The following EIF3A variants were observed in gnomAD, a reference collection of about 807,000 sequenced individuals.
The protein encoded by EIF3A is eukaryotic translation initiation factor 3 subunit A.
Under a neutral mutation model 186.6 loss-of-function variants are expected in EIF3A, and 21 were observed. That is an observed-to-expected ratio of 0.11 (90% CI 0.08 to 0.16). EIF3A has a LOEUF of 0.16. Among genes scored for constraint, EIF3A ranks in the 10% least tolerant of loss-of-function variants. EIF3A has a pLI of 1.00. For missense variants in EIF3A, 1,306 were observed against 1,796.3 expected (o/e 0.73, Z 4.93); for synonymous variants, 563 against 584.3 (o/e 0.96, Z 0.52).
intron 20 of EIF3A, 22 bp downstream of exon 20, chr10:119,038,216 T>C: frequency 6.2e-7 from 1 of 1,604,946 alleles, no homozygotes; most frequent in Non-Finnish European, 8.5e-7. Context: ...CCTCTACAAA[T>C]AATTTAATTA....
chr10:119,061,892 A>AT lies in EIF3A; in HGVS notation c.1123-565dup, dbSNP rs1275649055. Among the ~76,000 whole-genome samples, 6 of 152,142 alleles carry AT rather than the reference A, an allele frequency of 3.9e-5. No individual in the cohort carries two copies. The East Asian group carries it at 5.8e-4, about 15-fold the overall frequency. On this transcript the variant is annotated intron_variant, in intron 7 of 21. Coordinates refer to ENST00000369144, the MANE Select transcript of EIF3A (RefSeq NM_003750.4). ...CTTCAATTTTACCATGGAATATGTC[A>AT]TTTTTTTTAGGAACTGTTAACCCAA... is the stretch of plus-strand genomic sequence containing the variant.
In EIF3A at chr10:119,038,388, C is replaced by T. The variant is rs1270332963; in HGVS notation, c.3578G>A (p.Arg1193Gln). Residue 1193 changes from arginine to glutamine, a missense_variant, in exon 20 of 22, where the codon CGA (arginine) becomes CAA (glutamine). Around this residue, in one of 8 missense-constraint regions of EIF3A, gnomAD observed 331 missense variants for 365.8 expected, o/e 0.90. Transcript: ENST00000369144. ...KAREESWGPPRESRPSEEREW... is the reference protein window; with the variant it reads ...KAREESWGPPQESRPSEEREW... ...ACGTTCTTCTGATGGCCTTGATTCT[C>T]GAGGTGGACCCCAGCTCTCCTCTCT... 2.2e-5 allele frequency: 35 copies of T among 1,614,032 alleles called. No individual in the cohort carries two copies. Among genetic ancestry groups the T allele is most frequent in the Non-Finnish European group, 2.9e-5 (34 of 1,180,036 alleles).
chr10:119,076,322 CAAAA>C (rs10712381), intron 1 of EIF3A, among the ~76,000 whole-genome samples: 4 of 114,404 alleles, frequency 3.5e-5, no homozygotes, highest in Admixed American at 8.9e-5. Flanking sequence ...AACAAGTCTC[CAAAA>C]AAAAAAAAAA....
At chr10:119,040,520 T>C (rs1307281669) in intron 19 of EIF3A, among the ~76,000 whole-genome samples, 1 of 152,126 alleles carries the variant, frequency 6.6e-6, no homozygotes, top group East Asian at 1.9e-4. Flanking sequence ...GACTACCAAG[T>C]GGAGATGTGC....
intron 12 of EIF3A, among the ~76,000 whole-genome samples, chr10:119,057,470 G>T (rs888907045): frequency 6.6e-6 from 1 of 152,170 alleles, no homozygotes; most frequent in Non-Finnish European, 1.5e-5. Flanking sequence ...TTCAGGCTAT[G>T]TGTATAAGGT....
intron 1 of EIF3A, 93 bp from the exon 2 acceptor site, chr10:119,074,030 A>C: frequency 1.9e-6 from 2 of 1,076,080 alleles, no homozygotes; most frequent in Non-Finnish European, 2.5e-6. Flanking sequence ...TCCCCAACTC[A>C]TTACCAACTT....
At position 119,080,701 on chromosome 10, in the gene EIF3A, G is replaced by T. The variant is rs1844251478; in HGVS notation, c.-25C>A. Reference sequence around the variant, plus strand: ...TCTTGGCGGCAGGCTCAGCTCACCCGGCGTCAGCGAACTCTCTAGTGGCCC... The same window carrying T: ...TCTTGGCGGCAGGCTCAGCTCACCCTGCGTCAGCGAACTCTCTAGTGGCCC... On this transcript the variant is annotated 5_prime_UTR_variant, in exon 1 of 22. Coordinates refer to ENST00000369144, the MANE Select transcript of EIF3A (RefSeq NM_003750.4). 5 of 1,582,188 alleles carry T rather than the reference G, an allele frequency of 3.2e-6. No homozygotes were observed. Among genetic ancestry groups the T allele is most frequent in the Non-Finnish European group, 4.3e-6 (5 of 1,165,526 alleles).
chr10:119,043,986 A>C, intron 18 of EIF3A, 68 bp downstream of exon 18: 1 of 1,216,040 alleles, frequency 8.2e-7, no homozygotes, highest in Non-Finnish European at 1.2e-6. Context: ...AAATGAACCA[A>C]ATTTTAAAAC....
At position 119,058,288 on chromosome 10, in the gene EIF3A, G is replaced by C. The variant is rs1306232289; in HGVS notation, c.1645C>G (p.Gln549Glu). The C allele has an allele frequency of 1.9e-6, 3 of 1,585,566 alleles. No individual in the cohort carries two copies. Among genetic ancestry groups the C allele is most frequent in the Admixed American group, 3.7e-5 (2 of 54,580 alleles). Residue 549 changes from glutamine to glutamate, a missense_variant, in exon 12 of 22, where the codon CAG (glutamine) becomes GAG (glutamate). Physicochemically the swap from Gln to Glu is conservative, Grantham distance 29. This residue lies in a region of EIF3A where 44 missense variants were observed against 43.4 expected (regional missense o/e 1.01). Coordinates refer to ENST00000369144, the MANE Select transcript of EIF3A (RefSeq NM_003750.4). ...PAHILQEKEE[Q>E]HQLAVTAYLK... ...TATGCAGTGACAGCCAACTGATGCT[G>C]TTCTTCTTTCTCTTGCTTCAAAAAC...
chr10:119,058,122 A>G lies in EIF3A; in HGVS notation c.1811T>C (p.Val604Ala), dbSNP rs1231462271. The change falls in exon 12 of 22, where the codon GTG becomes GCG. Residue 604 changes from valine (V) to alanine (A), a missense_variant. Coordinates refer to ENST00000369144, the MANE Select transcript of EIF3A (RefSeq NM_003750.4). ...CAGCCTCTCTTCCTCAGCCTTCCGC[A>G]CTTTCTGGAGTTCAGCTTCCCTCTG... is the stretch of plus-strand genomic sequence containing the variant. ...LEQREAELQK[V>A]RKAEEERLRQ... 3 of 1,613,946 alleles carry G rather than the reference A, an allele frequency of 1.9e-6. No individual in the cohort carries two copies. Among genetic ancestry groups the G allele is most frequent in the Non-Finnish European group, 2.5e-6 (3 of 1,179,996 alleles).
chr10:119,051,670 C>T (rs1848358359), intron 14 of EIF3A, among the ~76,000 whole-genome samples: 2 of 152,152 alleles, frequency 1.3e-5, no homozygotes, highest in African/African-American at 4.8e-5. Context: ...AAGCAAGCAA[C>T]GCAGATTTTT....
intron 21 of EIF3A, 144 bp from the exon 22 acceptor site, chr10:119,036,412 T>C (rs1168657440): frequency 1.6e-6 from 1 of 607,612 alleles, no homozygotes; most frequent in East Asian, 2.8e-5. Flanking sequence ...TATTGTTAAA[T>C]ACAGAAATCA....
chr10:119,065,626 G>A lies in EIF3A; in HGVS notation c.951-56C>T, dbSNP rs78332707. ...GTTTGTAAATGATACTTGGTAAGCA[G>A]AAAAGCACTTCTCTTTAATCTTACG... On this transcript the variant is annotated intron_variant, in intron 6 of 21. Transcript: ENST00000369144. 10 of 1,294,286 alleles carry A rather than the reference G, an allele frequency of 7.7e-6. No homozygotes were observed. In the East Asian group the frequency reaches 1.6e-4, roughly 21 times the overall value. The allele number at this position is 1,294,286 out of a possible 1,614,324, so 80.2% of individuals were successfully genotyped here.
At position 119,038,402 on chromosome 10, in the gene EIF3A, G is replaced by T. The variant is rs777200105; in HGVS notation, c.3564C>A (p.Ser1188Arg). The change falls in exon 20 of 22, where the codon AGC becomes AGA. Residue 1188 changes from serine (S) to arginine (R), a missense_variant. Around this residue, in one of 8 missense-constraint regions of EIF3A, gnomAD observed 331 missense variants for 365.8 expected, o/e 0.90. Transcript: ENST00000369144. ...WREKEKAREE[S>R]WGPPRESRPS... ...GCCTTGATTCTCGAGGTGGACCCCA[G>T]CTCTCCTCTCTGGCTTTTTCTTTCT... 6.2e-7 allele frequency: 1 copy of T among 1,614,014 alleles called. No homozygotes were observed. The highest frequency in any genetic ancestry group is 8.5e-7 in the Non-Finnish European group (1 of 1,180,000).
At chr10:119,073,251 T>C (rs1029635733) in intron 3 of EIF3A, among the ~76,000 whole-genome samples, 190 bp downstream of exon 3, 1 of 152,214 alleles carries the variant, frequency 6.6e-6, no homozygotes, top group Non-Finnish European at 1.5e-5. Context: ...CCCTCTATCT[T>C]AAGGCTGTCA....
At chr10:119,068,458 T>C (rs1200421145) in intron 6 of EIF3A, among the ~76,000 whole-genome samples, 4 of 148,164 alleles carry the variant, frequency 2.7e-5, no homozygotes. Context: ...GAGGATCATC[T>C]GAGGACAGGA....
rs372677862 is a variant in EIF3A, at chr10:119,069,427, C to G, written c.950+19G>C. On this transcript the variant is annotated intron_variant, in intron 6 of 21. Coordinates refer to ENST00000369144, the MANE Select transcript of EIF3A (RefSeq NM_003750.4). ...ATTTGTTACAGAATTTCAACATTAT[C>G]CAAGTATAACATTTTTACCTTTGCA... 12 of 1,140,450 alleles carry G rather than the reference C, an allele frequency of 1.1e-5. No individual in the cohort carries two copies. In the Middle Eastern group the frequency reaches 1.0e-3, roughly 96 times the overall value. 70.6% of individuals were successfully genotyped at this position (1,140,450 alleles called of 1,614,324 possible). A position where few individuals can be genotyped will look rare whatever the true frequency, so the allele number is the denominator to read the frequency against.
In EIF3A at chr10:119,035,873, T is replaced by C. The variant is rs1420611001; in HGVS notation, c.*166A>G. ...TTTTTCCAACCTCCTGTGGATATGG[T>C]GCATGATCAATCTATTATATAGGAT... On this transcript the variant is annotated 3_prime_UTR_variant, in exon 22 of 22. Coordinates refer to ENST00000369144, the MANE Select transcript of EIF3A (RefSeq NM_003750.4). The C allele has an allele frequency of 6.9e-6, 4 of 579,596 alleles. No homozygotes were observed. The highest frequency in any genetic ancestry group is 1.2e-5 in the Non-Finnish European group (4 of 329,512). 35.9% of individuals were successfully genotyped at this position (579,596 alleles called of 1,614,324 possible). A position where few individuals can be genotyped will look rare whatever the true frequency, so the allele number is the denominator to read the frequency against.
chr10:119,044,273 T>C (rs979011017), intron 17 of EIF3A, 131 bp from the exon 18 acceptor site: 2 of 661,376 alleles, frequency 3.0e-6, no homozygotes, highest in Non-Finnish European at 5.3e-6. Context: ...TTTTAAAATT[T>C]CATTTATTTT....
Sources: allele counts gnomAD v4.1 joint callset (sites outside exome capture counted in the v4.1 genomes callset), GRCh38; gene constraint gnomAD v4.1.1; regional missense constraint gnomAD v4.1.1; transcripts MANE v1.5; gene names NCBI Gene and HGNC (gene_info 2026-07-23, HGNC 2026-07-21).